ZNF516: variants seen among roughly 807,000 people sequenced by gnomAD.
ZNF516 encodes the protein zinc finger protein 516.
Under a neutral mutation model 79.7 loss-of-function variants are expected in ZNF516, and 19 were observed. That is an observed-to-expected ratio of 0.24 (90% CI 0.17 to 0.35). The LOEUF (loss-of-function observed/expected upper bound fraction) is 0.35, where lower values mean the gene tolerates loss of function less well. Ranked by LOEUF, ZNF516 falls within the 10% of genes least tolerant of loss-of-function variation. ZNF516 has a pLI of 1.00. For missense variants in ZNF516, 1,678 were observed against 1,679.5 expected, an observed-to-expected ratio of 1.00 and a Z score of 0.02; for synonymous variants, 877 against 739.5, an observed-to-expected ratio of 1.19 and a Z score of -3.02.
At chr18:76,432,417 C>T (rs2075673223) in intron 3 of ZNF516, among the ~76,000 whole-genome samples, 1 of 152,280 alleles carries the variant, frequency 6.6e-6, no homozygotes, top group Admixed American at 6.5e-5. Context: ...TCGGCCTCTG[C>T]CTTCAATGCC....
At chr18:76,434,927 A>G (rs2075710122) in intron 3 of ZNF516, among the ~76,000 whole-genome samples, 1 of 152,228 alleles carries the variant, frequency 6.6e-6, no homozygotes, top group African/African-American at 2.4e-5. Flanking sequence ...TTGGTGACTA[A>G]AAGAGAATTA....
chr18:76,479,209 G>C (rs1229519910), intron 1 of ZNF516, among the ~76,000 whole-genome samples: 1 of 152,164 alleles, frequency 6.6e-6, no homozygotes, highest in Non-Finnish European at 1.5e-5. Context: ...TGAATAAAAG[G>C]GGCCTTGACT....
chr18:76,392,400 T>C (rs1012342808), intron 3 of ZNF516, among the ~76,000 whole-genome samples: 1 of 152,056 alleles, frequency 6.6e-6, no homozygotes, highest in Non-Finnish European at 1.5e-5. Flanking sequence ...GCTCAAAATA[T>C]GTCCCAGGCA....
At chr18:76,486,928 G>A (rs571303869) in intron 1 of ZNF516, among the ~76,000 whole-genome samples, 18 of 152,252 alleles carry the variant, frequency 1.2e-4, no homozygotes, top group African/African-American at 4.3e-4. Flanking sequence ...TTAACACAGA[G>A]TTAAAATACA....
Position 76,442,614 on chromosome 18 carries a change from G to A in ZNF516, c.441C>T (p.Asp147=). ...TGCTCCGCAGCAGGACTCTGCCGCT[G>A]TCGGCCTGCGAGGCCCCGTTCAGGA... is the stretch of plus-strand genomic sequence containing the variant. The part of the protein sequence containing the change: ...ARVLNGASQA[D]SGRVLLRSSK... The change falls in exon 3 of 7, where the codon GAC becomes GAT. Residue 147 remains aspartate, a synonymous_variant. Transcript: ENST00000443185. The A allele has an allele frequency of 6.3e-7, 1 of 1,596,698 alleles. No homozygotes were observed. The highest frequency in any genetic ancestry group is 1.3e-5 in the African/African-American group (1 of 74,970).
chr18:76,471,227 T>C (rs1220675374), intron 1 of ZNF516, among the ~76,000 whole-genome samples: 1 of 151,838 alleles, frequency 6.6e-6, no homozygotes, highest in Non-Finnish European at 1.5e-5. Context: ...CCATACTTAC[T>C]GAGCAAACCC....
intron 1 of ZNF516, among the ~76,000 whole-genome samples, chr18:76,485,916 A>AAACAATAAT: frequency 6.7e-6 from 1 of 148,414 alleles, no homozygotes; most frequent in Non-Finnish European, 1.5e-5. Flanking sequence ...TTTTTGACAA[A>AAACAATAAT]AATAATAATA....
intron 3 of ZNF516, among the ~76,000 whole-genome samples, chr18:76,416,824 A>T (rs2075438397): frequency 6.6e-6 from 1 of 152,220 alleles, no homozygotes; most frequent in Non-Finnish European, 1.5e-5. Flanking sequence ...TTGATTTTAG[A>T]TAAAAGAACA....
Position 76,362,486 on chromosome 18 carries a change from G to A in ZNF516, c.*12C>T, listed in dbSNP as rs376788444. On this transcript the variant is annotated 3_prime_UTR_variant, in exon 7 of 7. Coordinates refer to ENST00000443185, the MANE Select transcript of ZNF516 (RefSeq NM_014643.4). Reference sequence around the variant, plus strand: ...CCGTTACGGGGACCTGGGGTGCGTCGGAAACACGCCTTTAGGTTCCCTTTC... The same window carrying A: ...CCGTTACGGGGACCTGGGGTGCGTCAGAAACACGCCTTTAGGTTCCCTTTC... The A allele has an allele frequency of 4.9e-5, 79 of 1,612,368 alleles. No homozygotes were observed. Among genetic ancestry groups the A allele is most frequent in the Non-Finnish European group, 2.7e-5 (32 of 1,178,870 alleles).
chr18:76,435,958 A>G (rs558850349), intron 3 of ZNF516, among the ~76,000 whole-genome samples: 9 of 152,386 alleles, frequency 5.9e-5, no homozygotes, highest in African/African-American at 2.2e-4. Context: ...CATGGGCCAC[A>G]TGGCGGACAG....
Position 76,377,718 on chromosome 18 carries a change from T to A in ZNF516, c.3259+1137A>T, listed in dbSNP as rs531904881. ...GAAACCACAGGCTTACAACGTTATT[T>A]TTTTTTTTTTTTTTTGAGATGGAGT... is the stretch of plus-strand genomic sequence containing the variant. On this transcript the variant is annotated intron_variant, in intron 4 of 6. Transcript: ENST00000443185. Among the ~76,000 whole-genome samples, 259 of 149,690 alleles carry A rather than the reference T, an allele frequency of 1.7e-3. 1 individual carries two copies. The highest frequency in any genetic ancestry group is 5.7e-3 in the African/African-American group (233 of 40,932).
At chr18:76,439,303 A>C (rs118162437) in intron 3 of ZNF516, among the ~76,000 whole-genome samples, 6 of 152,218 alleles carry the variant, frequency 3.9e-5, no homozygotes, top group African/African-American at 1.2e-4. Flanking sequence ...TTAGATAGAA[A>C]GATACTGTCC....
chr18:76,473,320 T>A (rs1599144713), intron 1 of ZNF516, among the ~76,000 whole-genome samples: 2 of 101,410 alleles, frequency 2.0e-5, no homozygotes, highest in East Asian at 2.6e-4. Flanking sequence ...GACTCCATGA[T>A]AGGGTTAAAA....
chr18:76,442,806 G>A lies in ZNF516; in HGVS notation c.249C>T (p.Ser83=), dbSNP rs116023282. 6,901 of 1,610,666 alleles carry A rather than the reference G, an allele frequency of 4.3e-3. 149 individuals are homozygous for A. The African/African-American group carries it at 0.058, about 14-fold the overall frequency. Residue 83 remains serine, a synonymous_variant, in exon 3 of 7, where the codon AGC becomes AGT. Coordinates refer to ENST00000443185, the MANE Select transcript of ZNF516 (RefSeq NM_014643.4). ...CCTGAATCAGAGTCCCCGTGCGGTGGCTCCGGATGTGAATCTTCAGGTTGC... is the reference window on the plus strand; with the variant it reads ...CCTGAATCAGAGTCCCCGTGCGGTGACTCCGGATGTGAATCTTCAGGTTGC... ...QKGNLKIHIR[S]HRTGTLIQGH...
At chr18:76,434,932 G>C (rs903276779) in intron 3 of ZNF516, among the ~76,000 whole-genome samples, 2 of 152,210 alleles carry the variant, frequency 1.3e-5, no homozygotes, top group African/African-American at 2.4e-5. Context: ...GACTAAAAGA[G>C]AATTAAAATC....
At chr18:76,454,892 A>G (rs1912626026) in intron 2 of ZNF516, among the ~76,000 whole-genome samples, 1 of 152,238 alleles carries the variant, frequency 6.6e-6, no homozygotes, top group Admixed American at 6.5e-5. Context: ...ACAACCTTGC[A>G]GAAATGAGGG....
intron 1 of ZNF516, among the ~76,000 whole-genome samples, chr18:76,473,059 T>C (rs1350971056): frequency 3.3e-5 from 5 of 152,208 alleles, no homozygotes; most frequent in Non-Finnish European, 7.3e-5. Context: ...CTGATGTTGA[T>C]ACATTAATAC....
At chr18:76,484,038 C>A (rs1269480500) in intron 1 of ZNF516, among the ~76,000 whole-genome samples, 3 of 152,256 alleles carry the variant, frequency 2.0e-5, no homozygotes, top group African/African-American at 7.2e-5. Context: ...TCTCCCTACA[C>A]TGCCCTAAAC....
At chr18:76,421,774 T>G (rs1006728925) in intron 3 of ZNF516, among the ~76,000 whole-genome samples, 21 of 152,188 alleles carry the variant, frequency 1.4e-4, no homozygotes, top group African/African-American at 4.8e-4. Context: ...TGATTTTACC[T>G]ACAGTAAGAA....
Sources: gnomAD v4.1 joint callset for allele counts (sites outside exome capture counted in the v4.1 genomes callset) on GRCh38, gnomAD v4.1.1 for gene constraint, MANE v1.5 for transcripts, NCBI Gene and HGNC (gene_info 2026-07-23, HGNC 2026-07-21) for gene names.